The following TRDN variants were observed in gnomAD, a reference collection of about 807,000 sequenced individuals.
TRDN encodes the protein triadin.
Under a neutral mutation model 149.7 loss-of-function variants are expected in TRDN, and 161 were observed. The ratio of observed to expected loss-of-function variants is 1.08; its 90% CI spans 0.95 to 1.23. The LOEUF (loss-of-function observed/expected upper bound fraction) is 1.23. Ranked by LOEUF, TRDN falls within the 50% of genes most tolerant of loss-of-function variation. TRDN has a pLI of 0.00. For synonymous variants in TRDN, 294 were observed against 250.5 expected, an observed-to-expected ratio of 1.17 and a Z score of -1.64; for missense variants, 896 against 823.5, an observed-to-expected ratio of 1.09 and a Z score of -1.08.
At chr6:123,368,870 C>G (rs1781215603) in intron 19 of TRDN, among the ~76,000 whole-genome samples, 1 of 152,132 alleles carries the variant, frequency 6.6e-6, no homozygotes, top group African/African-American at 2.4e-5. Flanking sequence ...TCCTCATATC[C>G]TCACTTTACT....
chr6:123,500,812 G>A (rs1278116960), intron 8 of TRDN, among the ~76,000 whole-genome samples: 1 of 152,054 alleles, frequency 6.6e-6, no homozygotes, highest in African/African-American at 2.4e-5. Flanking sequence ...GGGCACATGT[G>A]GTCCAGTACT....
intron 12 of TRDN, among the ~76,000 whole-genome samples, chr6:123,424,368 T>G (rs1001083298): frequency 6.6e-6 from 1 of 152,146 alleles, no homozygotes; most frequent in Admixed American, 6.6e-5. Flanking sequence ...ATCCTTTCTA[T>G]AGAGACCATT....
intron 1 of TRDN, among the ~76,000 whole-genome samples, chr6:123,592,534 G>C (rs1302747241): frequency 6.6e-6 from 1 of 152,136 alleles, no homozygotes; most frequent in Non-Finnish European, 1.5e-5. Context: ...ACAAGGAACA[G>C]TGAATTCCCT....
intron 38 of TRDN, among the ~76,000 whole-genome samples, chr6:123,247,722 C>A (rs182099284): frequency 6.6e-6 from 1 of 151,814 alleles, no homozygotes; most frequent in Admixed American, 6.6e-5. Context: ...CTACCACAGA[C>A]TTTCTTCACA....
chr6:123,553,591 C>T (rs1425489436), intron 2 of TRDN, among the ~76,000 whole-genome samples: 1 of 152,072 alleles, frequency 6.6e-6, no homozygotes, highest in East Asian at 1.9e-4. Context: ...ACACCTGAGA[C>T]TGGGTAATTT....
intron 19 of TRDN, among the ~76,000 whole-genome samples, chr6:123,373,569 G>A (rs563049189): frequency 3.3e-5 from 5 of 152,220 alleles, no homozygotes; most frequent in African/African-American, 1.2e-4. Context: ...AGGACCTAGA[G>A]TAAACAATCC....
chr6:123,356,440 G>A (rs546731729), intron 20 of TRDN, among the ~76,000 whole-genome samples: 21 of 145,910 alleles, frequency 1.4e-4, no homozygotes, highest in African/African-American at 4.8e-4. Flanking sequence ...TCTTTCATAC[G>A]TACTAGCAGA....
chr6:123,531,062 C>A (rs1270333806), intron 4 of TRDN, among the ~76,000 whole-genome samples: 1 of 151,892 alleles, frequency 6.6e-6, no homozygotes, highest in African/African-American at 2.4e-5. Flanking sequence ...TTACATTTAA[C>A]CAATAATTAC....
intron 19 of TRDN, among the ~76,000 whole-genome samples, chr6:123,372,674 T>G (rs1247090334): frequency 3.3e-5 from 5 of 152,128 alleles, no homozygotes; most frequent in African/African-American, 9.7e-5. Context: ...AGGGGTGATG[T>G]GGTCACATAT....
chr6:123,413,972 G>C (rs1773545889), intron 12 of TRDN, among the ~76,000 whole-genome samples: 1 of 152,024 alleles, frequency 6.6e-6, no homozygotes, highest in Non-Finnish European at 1.5e-5. Flanking sequence ...GGTTCAAGGG[G>C]TAACTAGTTT....
At chr6:123,355,090 C>A (rs1238857828) in intron 20 of TRDN, among the ~76,000 whole-genome samples, 1 of 151,290 alleles carries the variant, frequency 6.6e-6, no homozygotes, top group Non-Finnish European at 1.5e-5. Context: ...CTGTGGAGTG[C>A]CTCTTTAGAT....
At chr6:123,240,371 T>G (rs548195208) in intron 38 of TRDN, among the ~76,000 whole-genome samples, 1 of 151,962 alleles carries the variant, frequency 6.6e-6, no homozygotes, top group Non-Finnish European at 1.5e-5. Context: ...CTCCCAAAAC[T>G]TCATTTTCCA....
intron 9 of TRDN, chr6:123,469,894 T>C (rs530458630): frequency 6.6e-6 from 1 of 152,284 alleles, no homozygotes; most frequent in South Asian, 2.1e-4. Flanking sequence ...TGCCTTGTTC[T>C]GTTCCAGAAC....
intron 20 of TRDN, among the ~76,000 whole-genome samples, chr6:123,363,265 T>G (rs1780965498): frequency 6.6e-6 from 1 of 152,174 alleles, no homozygotes; most frequent in Admixed American, 6.5e-5. Context: ...TGCTAAGTAT[T>G]GTGGAATTTG....
At chr6:123,505,080 C>T (rs1208276428) in intron 7 of TRDN, among the ~76,000 whole-genome samples, 1 of 151,674 alleles carries the variant, frequency 6.6e-6, no homozygotes, top group African/African-American at 2.4e-5. Flanking sequence ...CCCATCTCTA[C>T]TAAAAATGCA....
At chr6:123,623,726 T>C (rs1423488180) in intron 1 of TRDN, among the ~76,000 whole-genome samples, 1 of 152,146 alleles carries the variant, frequency 6.6e-6, no homozygotes, top group East Asian at 1.9e-4. Flanking sequence ...TTCCTGTCCT[T>C]TAATTTAGAA....
chr6:123,582,421 A>T (rs1179947329), intron 1 of TRDN, among the ~76,000 whole-genome samples: 3 of 151,478 alleles, frequency 2.0e-5, no homozygotes, highest in African/African-American at 7.3e-5. Context: ...AGGTGGGCTG[A>T]GTCCAAAAAG....
chr6:123,288,548 C>T (rs974669812), intron 24 of TRDN, among the ~76,000 whole-genome samples: 1 of 151,920 alleles, frequency 6.6e-6, no homozygotes, highest in African/African-American at 2.4e-5. Context: ...AAACAAACAC[C>T]TTATTTTAAA....
chr6:123,353,300 C>T lies in TRDN; in HGVS notation c.1322-714G>A, dbSNP rs145545927. 2.6e-4 allele frequency among the ~76,000 whole-genome samples: 40 copies of T among 151,864 alleles called. 1 individual carries two copies. The East Asian group carries it at 7.7e-3, about 29-fold the overall frequency. On this transcript the variant is annotated intron_variant, in intron 20 of 40. Coordinates refer to ENST00000334268, the MANE Select transcript of TRDN (RefSeq NM_006073.4). ...ATTGCTATTGCACCCAAATATCACCCCACATAAAACTGAAAGAAGAAAAAA... is the reference window on the plus strand; with the variant it reads ...ATTGCTATTGCACCCAAATATCACCTCACATAAAACTGAAAGAAGAAAAAA...
Sources: allele counts gnomAD v4.1 joint callset (sites outside exome capture counted in the v4.1 genomes callset), GRCh38; gene constraint gnomAD v4.1.1; transcripts MANE v1.5; gene names NCBI Gene and HGNC (gene_info 2026-07-23, HGNC 2026-07-21).